FBXO38: variants seen among roughly 807,000 people sequenced by gnomAD.
FBXO38 encodes the protein F-box protein 38.
Under a neutral mutation model 131.9 loss-of-function variants are expected in FBXO38, and 53 were observed. The observed-to-expected ratio is 0.40, with a 90% CI of 0.32 to 0.51. FBXO38 has a LOEUF of 0.51. Ranked by LOEUF, FBXO38 falls within the 20% of genes least tolerant of loss-of-function variation. The pLI is 0.53. For synonymous variants in FBXO38, 452 were observed against 505.6 expected, an observed-to-expected ratio of 0.89 and a Z score of 1.42; for missense variants, 1,076 against 1,475.6, an observed-to-expected ratio of 0.73 and a Z score of 4.44.
In FBXO38 at chr5:148,394,791, GA is replaced by G; in HGVS notation, c.19del (p.Ser7ValfsTer2). On this transcript the variant is annotated frameshift_variant, in exon 2 of 22. Coordinates refer to ENST00000340253, the MANE Select transcript of FBXO38 (RefSeq NM_205836.3). LOFTEE classifies it high-confidence loss of function. MGPRKKSVKTCIMNNE... is the reference protein window; with the variant it reads MGPRKXSVKTCIMNNE... ...ACTGCACAACAATGGGGCCACGAAAGAAAAGTGTGAAAACATGTATCATGAA... is the reference window on the plus strand; with the variant it reads ...ACTGCACAACAATGGGGCCACGAAAGAAAGTGTGAAAACATGTATCATGAA... The G allele has an allele frequency of 6.3e-7, 1 of 1,579,916 alleles. No homozygotes were observed. Among genetic ancestry groups the G allele is most frequent in the Non-Finnish European group, 8.6e-7 (1 of 1,163,950 alleles).
Position 148,402,521 on chromosome 5 carries a change from C to A in FBXO38, c.592+8C>A. On this transcript the variant is annotated splice_region_variant and intron_variant, in intron 5 of 21. Transcript: ENST00000340253. Reference sequence around the variant, plus strand: ...AAACTTTACATTTAGTTGGTGAGTACATGTTTCTTGGGTCACTTGTAACTC... The same window carrying A: ...AAACTTTACATTTAGTTGGTGAGTAAATGTTTCTTGGGTCACTTGTAACTC... The A allele has an allele frequency of 6.3e-7, 1 of 1,595,790 alleles. No individual in the cohort carries two copies. The highest frequency in any genetic ancestry group is 8.6e-7 in the Non-Finnish European group (1 of 1,167,922).
chr5:148,402,648 C>A, intron 5 of FBXO38, 135 bp downstream of exon 5: 1 of 780,344 alleles, frequency 1.3e-6, no homozygotes, highest in Non-Finnish European at 1.9e-6. Flanking sequence ...TTTGCAAGAT[C>A]TGTATAAAAA....
intron 6 of FBXO38, 84 bp downstream of exon 6, chr5:148,404,906 C>G (rs1349501105): frequency 1.7e-6 from 2 of 1,185,784 alleles, no homozygotes; most frequent in African/African-American, 3.2e-5. Context: ...TTTGTAAATA[C>G]AATTATATTA....
chr5:148,441,858 A>T, intron 21 of FBXO38, 111 bp from the exon 22 acceptor site: 1 of 766,976 alleles, frequency 1.3e-6, no homozygotes, highest in Non-Finnish European at 2.0e-6. Flanking sequence ...TTCATGCATC[A>T]GTTACATTAT....
At chr5:148,417,432 A>T (rs1168200779) in intron 12 of FBXO38, among the ~76,000 whole-genome samples, 2 of 152,172 alleles carry the variant, frequency 1.3e-5, no homozygotes. Context: ...AGAATGGGAA[A>T]GATTACAGAT....
chr5:148,433,630 T>G lies in FBXO38; in HGVS notation c.2755-5T>G. ...TTATATAGTTTCTAATTTTTCTGCTTGTAGGTTCTTGTATTAAAATCCAAG... is the reference window on the plus strand; with the variant it reads ...TTATATAGTTTCTAATTTTTCTGCTGGTAGGTTCTTGTATTAAAATCCAAG... On this transcript the variant is annotated splice_polypyrimidine_tract_variant and splice_region_variant and intron_variant, in intron 16 of 21. Transcript: ENST00000340253. 6.3e-7 allele frequency: 1 copy of G among 1,588,798 alleles called. No individual in the cohort carries two copies. Among genetic ancestry groups the G allele is most frequent in the Non-Finnish European group, 8.6e-7 (1 of 1,166,668 alleles).
At chr5:148,434,482 T>C (rs1361972987) in intron 17 of FBXO38, 2 of 152,192 alleles carry the variant, frequency 1.3e-5, no homozygotes, top group Non-Finnish European at 2.9e-5. Context: ...CTTGGGCAAG[T>C]TATATAATTT....
chr5:148,402,253 T>C, intron 4 of FBXO38, 95 bp from the exon 5 acceptor site: 2 of 1,541,572 alleles, frequency 1.3e-6, no homozygotes, highest in Admixed American at 1.9e-5. Flanking sequence ...CACAAACTTT[T>C]AAGTTCCATT....
intron 9 of FBXO38, among the ~76,000 whole-genome samples, chr5:148,411,222 A>C (rs1752732079): frequency 6.6e-6 from 1 of 152,178 alleles, no homozygotes; most frequent in African/African-American, 2.4e-5. Context: ...TTTTCCAGAT[A>C]GTGTGAGCAC....
In FBXO38 at chr5:148,433,500, T is replaced by C; in HGVS notation, c.2730T>C (p.Pro910=). 1 of 1,613,560 alleles carries C rather than the reference T, an allele frequency of 6.2e-7. No homozygotes were observed. Among genetic ancestry groups the C allele is most frequent in the Non-Finnish European group, 8.5e-7 (1 of 1,179,550 alleles). The change falls in exon 16 of 22, where the codon CCT becomes CCC. Residue 910 remains proline, a synonymous_variant. Coordinates refer to ENST00000340253, the MANE Select transcript of FBXO38 (RefSeq NM_205836.3). The part of the protein sequence containing the change: ...TADKSTSTSD[P]VIEDDHVQVL... ...ATAAATCCACTAGTACAAGTGATCC[T>C]GTGATCGAGGATGACCATGTGCAGG...
intron 15 of FBXO38, chr5:148,430,163 T>TTATTTA (rs1561542153): frequency 2.1e-5 from 3 of 146,008 alleles, no homozygotes; most frequent in African/African-American, 7.7e-5. Context: ...TTATTATTTT[T>TTATTTA]TTTTTTTTTG....
chr5:148,395,954 C>G (rs965818827), intron 2 of FBXO38, among the ~76,000 whole-genome samples: 2 of 152,052 alleles, frequency 1.3e-5, no homozygotes, highest in African/African-American at 4.8e-5. Context: ...TGAAAAATTT[C>G]CATATATGAA....
chr5:148,414,952 C>T (rs1048036091), intron 10 of FBXO38, among the ~76,000 whole-genome samples: 1 of 152,136 alleles, frequency 6.6e-6, no homozygotes, highest in African/African-American at 2.4e-5. Flanking sequence ...GACAAAGCCT[C>T]TCACTGACAC....
chr5:148,438,521 G>T, intron 18 of FBXO38, 23 bp downstream of exon 18: 1 of 1,602,582 alleles, frequency 6.2e-7, no homozygotes, highest in Non-Finnish European at 8.5e-7. Context: ...GCTTCTTTCC[G>T]ATGATACACA....
At chr5:148,428,882 C>CT (rs1753873988) in intron 15 of FBXO38, among the ~76,000 whole-genome samples, 1 of 152,110 alleles carries the variant, frequency 6.6e-6, no homozygotes, top group South Asian at 2.1e-4. Context: ...TATTTGAAGA[C>CT]TTTTTTATGC....
At chr5:148,409,355 A>C (rs1752623889) in intron 8 of FBXO38, 138 bp downstream of exon 8, 17 of 645,366 alleles carry the variant, frequency 2.6e-5, no homozygotes, top group Non-Finnish European at 4.8e-5. Flanking sequence ...AATACGAAGA[A>C]GTCCAAATAA....
intron 8 of FBXO38, among the ~76,000 whole-genome samples, chr5:148,410,028 G>A (rs897859747): frequency 2.0e-5 from 3 of 152,182 alleles, no homozygotes; most frequent in Non-Finnish European, 4.4e-5. Context: ...GTTATTTAAT[G>A]TATAGCTTCA....
At chr5:148,390,855 A>T (rs1758162181) in intron 1 of FBXO38, among the ~76,000 whole-genome samples, 1 of 152,182 alleles carries the variant, frequency 6.6e-6, no homozygotes, top group Non-Finnish European at 1.5e-5. Context: ...TCAGTAGAGG[A>T]AGGTGTTATT....
intron 11 of FBXO38, 115 bp from the exon 12 acceptor site, chr5:148,416,879 A>G (rs1180129487): frequency 1.5e-6 from 1 of 663,458 alleles, no homozygotes; most frequent in East Asian, 2.7e-5. Flanking sequence ...CATTTCATAA[A>G]TAAGTACTAT....
Sources: gnomAD v4.1 joint callset for allele counts (sites outside exome capture counted in the v4.1 genomes callset) on GRCh38, gnomAD v4.1.1 for gene constraint, MANE v1.5 for transcripts, NCBI Gene and HGNC (gene_info 2026-07-23, HGNC 2026-07-21) for gene names.